Variants in ANKDD1B observed in about 807,000 individuals in gnomAD.
The protein encoded by ANKDD1B is ankyrin repeat and death domain-containing protein 1B.
ANKDD1B carries 57 observed loss-of-function variants against 59.7 expected under a neutral mutation model. The ratio of observed to expected loss-of-function variants is 0.95; its 90% CI spans 0.77 to 1.19. The LOEUF is 1.19. Ranked by LOEUF, ANKDD1B falls within the 50% of genes most tolerant of loss-of-function variation. The pLI is 0.00. For synonymous variants in ANKDD1B, 216 were observed against 239.5 expected (o/e 0.90, Z 0.91); for missense variants, 602 against 641.9 (o/e 0.94, Z 0.67).
Position 75,611,541 on chromosome 5 carries a change from G to T in ANKDD1B, c.-94G>T, listed in dbSNP as rs551950646. On this transcript the variant is annotated 5_prime_UTR_variant, in exon 1 of 14. Coordinates refer to ENST00000601380, the MANE Select transcript of ANKDD1B (RefSeq NM_001276713.2). ...GCCTGCGTCCAGCCCCCGCGCCCTGGGCCTGCCTGGGTCTGGATCTGTGTC... is the reference window on the plus strand; with the variant it reads ...GCCTGCGTCCAGCCCCCGCGCCCTGTGCCTGCCTGGGTCTGGATCTGTGTC... 2.8e-5 allele frequency: 30 copies of T among 1,068,532 alleles called. No homozygotes were observed. The South Asian group carries it at 1.2e-3, about 43-fold the overall frequency. 66.2% of individuals were successfully genotyped at this position (1,068,532 alleles called of 1,614,324 possible). A position where few individuals can be genotyped will look rare whatever the true frequency, so the allele number is the denominator to read the frequency against.
chr5:75,624,548 CAT>C (rs1338697974), intron 3 of ANKDD1B, among the ~76,000 whole-genome samples: 9 of 152,196 alleles, frequency 5.9e-5, no homozygotes, highest in African/African-American at 2.2e-4. Context: ...ACTTTATGCA[CAT>C]GTGTTTGCAC....
intron 1 of ANKDD1B, among the ~76,000 whole-genome samples, chr5:75,612,373 T>C (rs1164585783): frequency 4.6e-5 from 5 of 108,928 alleles, no homozygotes; most frequent in African/African-American, 2.0e-4. Context: ...TAGGGTCTTG[T>C]TGCTCTGTTG....
In ANKDD1B at chr5:75,654,098, A is replaced by G. The variant is rs191845575; in HGVS notation, c.897+858A>G. ...AAATTCTTCCTTTCATGCTGCTCCC[A>G]TAGCCCTGCTCACATCATCTGTCTG... On this transcript the variant is annotated intron_variant, in intron 8 of 13. Coordinates refer to ENST00000601380, the MANE Select transcript of ANKDD1B (RefSeq NM_001276713.2). Among the ~76,000 whole-genome samples the G allele has an allele frequency of 5.6e-4, 85 of 152,350 alleles. 1 individual carries two copies. Among genetic ancestry groups the G allele is most frequent in the African/African-American group, 2.0e-3 (82 of 41,584 alleles).
intron 5 of ANKDD1B, among the ~76,000 whole-genome samples, chr5:75,628,884 C>G (rs1408677959): frequency 2.0e-5 from 3 of 152,144 alleles, no homozygotes; most frequent in African/African-American, 7.2e-5. Context: ...AAATGTCCAT[C>G]TGGTGATCAA....
At chr5:75,638,675 G>A (rs1774382038) in intron 7 of ANKDD1B, among the ~76,000 whole-genome samples, 1 of 151,818 alleles carries the variant, frequency 6.6e-6, no homozygotes, top group Admixed American at 6.6e-5. Context: ...TTAGAAATAG[G>A]GTCTCATTAT....
Position 75,611,661 on chromosome 5 carries a change from C to A in ANKDD1B, c.27C>A (p.Gly9=). The A allele has an allele frequency of 1.6e-6, 2 of 1,231,500 alleles. No homozygotes were observed. The highest frequency in any genetic ancestry group is 8.2e-5 in the South Asian group (2 of 24,320). The allele number at this position is 1,231,500 out of a possible 1,614,324, so 76.3% of individuals were successfully genotyped here. ...TGGACCCCGCCGGGCGCGCCCGGGG[C>A]CAAGGGGCCACGGCAGGGGGGCTGC... MDPAGRAR[G]QGATAGGLLL... Residue 9 remains glycine, a synonymous_variant, in exon 1 of 14, where the codon GGC becomes GGA. Transcript: ENST00000601380.
intron 5 of ANKDD1B, among the ~76,000 whole-genome samples, chr5:75,629,405 C>T (rs974665105): frequency 3.9e-5 from 6 of 152,070 alleles, no homozygotes; most frequent in Admixed American, 2.6e-4. Context: ...GGCCCACCAG[C>T]GCCTCTCCTC....
chr5:75,670,395 C>T (rs1017437109), intron 13 of ANKDD1B, among the ~76,000 whole-genome samples: 17 of 152,114 alleles, frequency 1.1e-4, no homozygotes, highest in African/African-American at 4.1e-4. Flanking sequence ...ATGTAGCATT[C>T]CTATATGTGA....
Position 75,634,974 on chromosome 5 carries a change from T to C in ANKDD1B, c.677T>C (p.Leu226Pro), listed in dbSNP as rs1314176264. 6.5e-7 allele frequency: 1 copy of C among 1,534,350 alleles called. No individual in the cohort carries two copies. Among genetic ancestry groups the C allele is most frequent in the Non-Finnish European group, 8.7e-7 (1 of 1,145,370 alleles). Residue 226 changes from leucine to proline, a missense_variant, in exon 6 of 14, where the codon CTG becomes CCG. By Grantham distance (98) the Leu-to-Pro change is moderately conservative. Around this residue, in one of 3 missense-constraint regions of ANKDD1B, gnomAD observed 317 missense variants for 304.6 expected, o/e 1.04. Transcript: ENST00000601380. ...ATAGAAAAACTTACCTTCCTAAACC[T>C]GCATACTTCAGAAAAGGACAAGGTG... ...EMIEKLTFLN[L>P]HTSEKDKGGN...
chr5:75,612,071 G>A (rs952806930), intron 1 of ANKDD1B, among the ~76,000 whole-genome samples: 1 of 152,120 alleles, frequency 6.6e-6, no homozygotes, highest in African/African-American at 2.4e-5. Flanking sequence ...TCCGAATTAA[G>A]GAGGAGGCTT....
chr5:75,663,107 T>C (rs1387735630), intron 10 of ANKDD1B, among the ~76,000 whole-genome samples: 1 of 152,170 alleles, frequency 6.6e-6, no homozygotes, highest in African/African-American at 2.4e-5. Flanking sequence ...CCCACTTCTA[T>C]TTACAGACCA....
In ANKDD1B at chr5:75,621,462, C is replaced by CT. The variant is rs1032290263; in HGVS notation, c.396+1060dup. 1.9e-3 allele frequency among the ~76,000 whole-genome samples: 274 copies of CT among 147,062 alleles called. 2 individuals carry two copies. Among genetic ancestry groups the CT allele is most frequent in the African/African-American group, 5.4e-3 (219 of 40,298 alleles). On this transcript the variant is annotated intron_variant, in intron 3 of 13. Coordinates refer to ENST00000601380, the MANE Select transcript of ANKDD1B (RefSeq NM_001276713.2). Reference sequence around the variant, plus strand: ...AGAGTCCTCAGCTGTTCCATGCATTCTTTTTTTTTTTAATTTTAATTTAAA... The same window carrying CT: ...AGAGTCCTCAGCTGTTCCATGCATTCTTTTTTTTTTTTAATTTTAATTTAAA...
intron 7 of ANKDD1B, among the ~76,000 whole-genome samples, chr5:75,649,461 C>T (rs1024678725): frequency 3.3e-5 from 5 of 152,048 alleles, no homozygotes; most frequent in Non-Finnish European, 5.9e-5. Flanking sequence ...CTTTTGGTAT[C>T]GTGGAACCAA....
chr5:75,635,077 T>A, intron 6 of ANKDD1B, 81 bp downstream of exon 6: 1 of 932,462 alleles, frequency 1.1e-6, no homozygotes, highest in Non-Finnish European at 1.6e-6. Context: ...AATTGGCATG[T>A]AGATTTGGTG....
chr5:75,630,017 C>T (rs544553097), intron 5 of ANKDD1B, among the ~76,000 whole-genome samples: 13 of 152,242 alleles, frequency 8.5e-5, no homozygotes, highest in East Asian at 1.9e-4. Flanking sequence ...AGTACTTAAA[C>T]GGGCAGGATC....
chr5:75,619,374 A>AT (rs1376365547), intron 2 of ANKDD1B, among the ~76,000 whole-genome samples: 3 of 152,270 alleles, frequency 2.0e-5, no homozygotes, highest in South Asian at 2.1e-4. Flanking sequence ...TATAATCCTC[A>AT]TTTTTTCCTT....
intron 12 of ANKDD1B, 146 bp from the exon 13 acceptor site, chr5:75,669,106 C>A: frequency 1.4e-6 from 1 of 711,276 alleles, no homozygotes; most frequent in Non-Finnish European, 1.9e-6. Context: ...CATAAAGCAG[C>A]ACAGCGAGGG....
chr5:75,659,390 A>G lies in ANKDD1B; in HGVS notation c.1095+9A>G. Reference sequence around the variant, plus strand: ...TGAAGGCTGTTGACAAGGTAAGTGCATGGACTTTACTCCATTCAGCTGAGA... The same window carrying G: ...TGAAGGCTGTTGACAAGGTAAGTGCGTGGACTTTACTCCATTCAGCTGAGA... On this transcript the variant is annotated intron_variant, in intron 10 of 13. Coordinates refer to ENST00000601380, the MANE Select transcript of ANKDD1B (RefSeq NM_001276713.2). 3 of 1,528,684 alleles carry G rather than the reference A, an allele frequency of 2.0e-6. No homozygotes were observed. Among genetic ancestry groups the G allele is most frequent in the Non-Finnish European group, 2.6e-6 (3 of 1,140,070 alleles). The allele number at this position is 1,528,684 out of a possible 1,614,324, so 94.7% of individuals were successfully genotyped here.
intron 3 of ANKDD1B, 115 bp downstream of exon 3, chr5:75,620,528 G>A: frequency 1.6e-6 from 1 of 614,938 alleles, no homozygotes. Context: ...AATTGGCAGT[G>A]TTCGTTTTGG....
Sources: allele counts gnomAD v4.1 joint callset (sites outside exome capture counted in the v4.1 genomes callset), GRCh38; gene constraint gnomAD v4.1.1; regional missense constraint gnomAD v4.1.1; transcripts MANE v1.5; gene names NCBI Gene and HGNC (gene_info 2026-07-23, HGNC 2026-07-21).